Variants in RIMS2 observed in about 807,000 individuals in gnomAD.
RIMS2 encodes the protein regulating synaptic membrane exocytosis protein 2.
Under a neutral mutation model 174.4 loss-of-function variants are expected in RIMS2, and 59 were observed. That is an observed-to-expected ratio of 0.34 (90% CI 0.27 to 0.42). The LOEUF (loss-of-function observed/expected upper bound fraction) is 0.42, where lower values mean the gene tolerates loss of function less well. Among genes scored for constraint, RIMS2 ranks in the 10% least tolerant of loss-of-function variants. The probability of loss-of-function intolerance (pLI) is 1.00; values close to 1 mark genes in which losing one functional copy is unlikely to be tolerated. For synonymous variants in RIMS2, 606 were observed against 572.5 expected (o/e 1.06, Z -0.84); for missense variants, 1,620 against 1,666.3 (o/e 0.97, Z 0.48).
chr8:104,192,328 T>C (rs956498167), intron 19 of RIMS2, among the ~76,000 whole-genome samples: 5 of 152,068 alleles, frequency 3.3e-5, no homozygotes, highest in Non-Finnish European at 5.9e-5. Context: ...TATTATAAAC[T>C]CTGAAAGGAA....
At chr8:103,960,423 T>C (rs750895967) in intron 14 of RIMS2, among the ~76,000 whole-genome samples, 1 of 152,198 alleles carries the variant, frequency 6.6e-6, no homozygotes, top group Non-Finnish European at 1.5e-5. Context: ...ATAACAAAAC[T>C]CACAATTTTG....
intron 4 of RIMS2, among the ~76,000 whole-genome samples, chr8:103,886,889 A>G (rs1486615878): frequency 6.6e-6 from 1 of 151,692 alleles, no homozygotes; most frequent in Non-Finnish European, 1.5e-5. Context: ...TATTTGGGGC[A>G]TTGCTGTGGC....
chr8:103,775,408 A>G (rs1451860331), intron 3 of RIMS2, among the ~76,000 whole-genome samples: 4 of 152,182 alleles, frequency 2.6e-5, no homozygotes, highest in African/African-American at 9.6e-5. Context: ...AGAAAAAAGA[A>G]TCTAATAACC....
In RIMS2 at chr8:104,127,033, A is replaced by G. The variant is rs114403227; in HGVS notation, c.3334+112418A>G. On this transcript the variant is annotated intron_variant, in intron 19 of 23. Transcript: ENST00000504942. ...ACTCAGAATAATAAATAATATTTATAATTATTATCCTTTTAGCAAGAAAGA... is the reference window on the plus strand; with the variant it reads ...ACTCAGAATAATAAATAATATTTATGATTATTATCCTTTTAGCAAGAAAGA... Among the ~76,000 whole-genome samples, 175 of 152,260 alleles carry G rather than the reference A, an allele frequency of 1.1e-3. 1 individual carries two copies. Among genetic ancestry groups the G allele is most frequent in the African/African-American group, 3.3e-3 (138 of 41,574 alleles).
intron 1 of RIMS2, among the ~76,000 whole-genome samples, chr8:103,520,189 T>C (rs1376451963): frequency 6.6e-6 from 1 of 152,140 alleles, no homozygotes; most frequent in East Asian, 1.9e-4. Context: ...TGTGGTAAGA[T>C]GCAAATGTAA....
At chr8:104,190,644 G>T (rs2098992704) in intron 19 of RIMS2, among the ~76,000 whole-genome samples, 1 of 151,896 alleles carries the variant, frequency 6.6e-6, no homozygotes, top group Non-Finnish European at 1.5e-5. Context: ...AGTGAGTGAG[G>T]CTCTGGGTGC....
intron 1 of RIMS2, among the ~76,000 whole-genome samples, chr8:103,517,557 T>G (rs573343996): frequency 6.6e-6 from 1 of 151,998 alleles, no homozygotes; most frequent in South Asian, 2.1e-4. Flanking sequence ...TAAATATTAT[T>G]GAGAGAATAA....
At chr8:103,679,949 A>G (rs2096858950) in intron 1 of RIMS2, among the ~76,000 whole-genome samples, 1 of 152,006 alleles carries the variant, frequency 6.6e-6, no homozygotes, top group African/African-American at 2.4e-5. Context: ...ATGTTTTCAT[A>G]TTATTAGTGG....
In RIMS2 at chr8:103,927,467, T is replaced by A. The variant is rs76631151; in HGVS notation, c.2197-375T>A. Reference sequence around the variant, plus strand: ...CTAACTTCTTTTTGCACTATTCTATTTTTTATGTAGTGTGTTTAAGGATAA... The same window carrying A: ...CTAACTTCTTTTTGCACTATTCTATATTTTATGTAGTGTGTTTAAGGATAA... On this transcript the variant is annotated intron_variant, in intron 10 of 23. Coordinates refer to ENST00000504942, the Ensembl canonical transcript of RIMS2. 8.5e-3 allele frequency among the ~76,000 whole-genome samples: 1,283 copies of A among 151,600 alleles called. 21 individuals carry two copies. The highest frequency in any genetic ancestry group is 0.03 in the African/African-American group (1,227 of 41,524).
chr8:104,228,826 G>A (rs2099206419), intron 19 of RIMS2, among the ~76,000 whole-genome samples: 1 of 152,126 alleles, frequency 6.6e-6, no homozygotes, highest in African/African-American at 2.4e-5. Context: ...CCATAAATGA[G>A]TTCATACCTT....
intron 3 of RIMS2, among the ~76,000 whole-genome samples, chr8:103,811,950 T>A (rs2098690309): frequency 6.6e-6 from 1 of 152,258 alleles, no homozygotes; most frequent in Admixed American, 6.5e-5. Context: ...GCTTCCACCA[T>A]GCTTTCCCTT....
chr8:103,674,437 C>A (rs896919251), intron 1 of RIMS2, among the ~76,000 whole-genome samples: 1 of 151,964 alleles, frequency 6.6e-6, no homozygotes, highest in Non-Finnish European at 1.5e-5. Context: ...TTTCATAAAC[C>A]TTTTATGATC....
At chr8:103,596,939 C>T (rs1286047441) in intron 1 of RIMS2, among the ~76,000 whole-genome samples, 1 of 151,846 alleles carries the variant, frequency 6.6e-6, no homozygotes, top group Non-Finnish European at 1.5e-5. Flanking sequence ...AGATAGTTTC[C>T]CCACAATATG....
intron 19 of RIMS2, among the ~76,000 whole-genome samples, chr8:104,094,032 G>T (rs1598674153): frequency 6.6e-6 from 1 of 151,836 alleles, no homozygotes; most frequent in Non-Finnish European, 1.5e-5. Flanking sequence ...TACTTTTTCA[G>T]TAGGATGCTT....
chr8:103,810,575 A>G (rs2098680411), intron 3 of RIMS2, among the ~76,000 whole-genome samples: 2 of 146,942 alleles, frequency 1.4e-5, no homozygotes, highest in East Asian at 3.9e-4. Context: ...TCAGTATTGA[A>G]CCTAATGTCC....
chr8:104,232,309 G>A (rs933947457), intron 19 of RIMS2, among the ~76,000 whole-genome samples: 1 of 152,166 alleles, frequency 6.6e-6, no homozygotes. Flanking sequence ...GTACTTGAAT[G>A]TTATGCATTC....
Position 103,982,795 on chromosome 8 carries a change from T to C in RIMS2, c.2928-6510T>C, listed in dbSNP as rs191302384. 1.5e-3 allele frequency among the ~76,000 whole-genome samples: 225 copies of C among 152,296 alleles called. 1 individual carries two copies. Among genetic ancestry groups the C allele is most frequent in the Non-Finnish European group, 1.8e-3 (121 of 68,024 alleles). ...TACAACAGACTCACAGCTAGTATCATACTGAATGCAGAAAAACTGAAAGCC... is the reference window on the plus strand; with the variant it reads ...TACAACAGACTCACAGCTAGTATCACACTGAATGCAGAAAAACTGAAAGCC... On this transcript the variant is annotated intron_variant, in intron 16 of 23. Coordinates refer to ENST00000504942, the Ensembl canonical transcript of RIMS2.
chr8:103,925,653 T>A (rs553871122), intron 10 of RIMS2, among the ~76,000 whole-genome samples: 1 of 147,298 alleles, frequency 6.8e-6, no homozygotes, highest in East Asian at 1.9e-4. Context: ...AATAAATGAA[T>A]TAATAGTAAT....
rs540277604 is a variant in RIMS2 at position 103,794,020 on chromosome 8, T to C, written c.698+27483T>C. 5.3e-4 allele frequency among the ~76,000 whole-genome samples: 81 copies of C among 152,242 alleles called. 1 individual carries two copies. The highest frequency in any genetic ancestry group is 1.9e-3 in the African/African-American group (80 of 41,560). On this transcript the variant is annotated intron_variant, in intron 3 of 23. Transcript: ENST00000504942. ...TGGCCATACTGCCCAAGGTAATTTA[T>C]AGATTCAATGCCATCCCCTTCAAGC...
Sources: gnomAD v4.1 joint callset for allele counts (sites outside exome capture counted in the v4.1 genomes callset) on GRCh38, gnomAD v4.1.1 for gene constraint, MANE v1.5 for transcripts, NCBI Gene and HGNC (gene_info 2026-07-23, HGNC 2026-07-21) for gene names.